ERRFI1: variants seen among roughly 807,000 people sequenced by gnomAD.
The protein encoded by ERRFI1 is ERBB receptor feedback inhibitor 1.
ERRFI1 carries 12 observed loss-of-function variants against 14.6 expected under a neutral mutation model. The observed-to-expected ratio is 0.82, with a 90% confidence interval of 0.53 to 1.33. ERRFI1 has a LOEUF of 1.33. Among genes scored for constraint, ERRFI1 ranks in the 40% most tolerant of loss-of-function variants. The probability of loss-of-function intolerance (pLI) is 0.00; values close to 1 mark genes in which losing one functional copy is unlikely to be tolerated. For missense variants in ERRFI1, 482 were observed against 572.1 expected, an observed-to-expected ratio of 0.84 and a Z score of 1.61; for synonymous variants, 202 against 209.9, an observed-to-expected ratio of 0.96 and a Z score of 0.32.
At chr1:8,024,210 TC>T (rs1641313405) in intron 1 of ERRFI1, among the ~76,000 whole-genome samples, 1 of 152,162 alleles carries the variant, frequency 6.6e-6, no homozygotes, top group African/African-American at 2.4e-5. Context: ...ATTATCTAGC[TC>T]AACTTTTGAG....
At chr1:8,020,552 A>ATT (rs36053481) in intron 1 of ERRFI1, among the ~76,000 whole-genome samples, 1,747 of 134,150 alleles carry the variant, frequency 0.013, 42 homozygotes, top group African/African-American at 0.034. Context: ...AAAAACACCA[A>ATT]TTTTTTTTTT....
chr1:8,025,625 G>C (rs535101343), intron 1 of ERRFI1, among the ~76,000 whole-genome samples: 6 of 152,076 alleles, frequency 3.9e-5, no homozygotes. Context: ...ACGGGTACAC[G>C]GTGTGAACAA....
chr1:8,021,783 C>A (rs1641277146), intron 1 of ERRFI1, among the ~76,000 whole-genome samples: 1 of 152,172 alleles, frequency 6.6e-6, no homozygotes, highest in Non-Finnish European at 1.5e-5. Flanking sequence ...CTCTCACTTA[C>A]TTGAGGCACA....
chr1:8,021,766 ATTATTACTCTCAC>A (rs1275525973), intron 1 of ERRFI1, among the ~76,000 whole-genome samples: 6 of 152,192 alleles, frequency 3.9e-5, no homozygotes, highest in Non-Finnish European at 4.4e-5. Flanking sequence ...GTGGGCTACT[ATTATTACTCTCAC>A]TTACTTGAGG....
chr1:8,013,295 G>C lies in ERRFI1; in HGVS notation c.1304C>G (p.Ala435Gly). Reference sequence around the variant, plus strand: ...TGTTTTTGAGTCTGGCTTTTCTGTGGCTGAAGATATACCGCAGTCAGCAGG... The same window carrying C: ...TGTTTTTGAGTCTGGCTTTTCTGTGCCTGAAGATATACCGCAGTCAGCAGG... ...PLPADCGISS[A>G]TEKPDSKTKM... is the part of the protein sequence containing the mutation. Residue 435 changes from alanine to glycine, a missense_variant, in exon 4 of 4, where the codon GCC becomes GGC. Ala to Gly is a moderately conservative substitution (Grantham distance 60). Coordinates refer to ENST00000377482, the MANE Select transcript of ERRFI1 (RefSeq NM_018948.4). The surrounding 1 kb of genome is among the most constrained non-coding windows in gnomAD (Gnocchi z 4.3). The C allele has an allele frequency of 3.7e-6, 6 of 1,614,214 alleles. No individual in the cohort carries two copies. Among genetic ancestry groups the C allele is most frequent in the Non-Finnish European group, 5.1e-6 (6 of 1,180,052 alleles).
chr1:8,025,824 T>C (rs1641338830), intron 1 of ERRFI1, among the ~76,000 whole-genome samples: 1 of 151,962 alleles, frequency 6.6e-6, no homozygotes, highest in African/African-American at 2.4e-5. Flanking sequence ...GGCGCTCGGG[T>C]GCATGGCCCC....
At chr1:8,019,870 T>C (rs1641251277) in intron 1 of ERRFI1, among the ~76,000 whole-genome samples, 1 of 152,202 alleles carries the variant, frequency 6.6e-6, no homozygotes. Flanking sequence ...ACAGTATATT[T>C]ACTTGAAGCA....
chr1:8,025,713 G>A (rs1641336436), intron 1 of ERRFI1, among the ~76,000 whole-genome samples: 1 of 152,122 alleles, frequency 6.6e-6, no homozygotes, highest in Non-Finnish European at 1.5e-5. Context: ...TCCCCGCCGG[G>A]CAACCCCGCG....
chr1:8,011,971 T>G lies in ERRFI1; in HGVS notation c.*1239A>C. ...AACTGTTAAGAGAACATTGCAGTAA[T>G]GTACCTCTGTTAGTGAGCACCTTCT... On this transcript the variant is annotated 3_prime_UTR_variant, in exon 4 of 4. Coordinates refer to ENST00000377482, the MANE Select transcript of ERRFI1 (RefSeq NM_018948.4). The G allele has an allele frequency of 4.4e-6, 1 of 228,808 alleles. No homozygotes were observed. The highest frequency in any genetic ancestry group is 6.3e-5 in the East Asian group (1 of 15,974). The allele number at this position is 228,808 out of a possible 1,614,324, so 14.2% of individuals were successfully genotyped here. A position where few individuals can be genotyped will look rare whatever the true frequency, so the allele number is the denominator to read the frequency against.
intron 1 of ERRFI1, among the ~76,000 whole-genome samples, chr1:8,025,835 G>C (rs992397033): frequency 2.6e-5 from 4 of 152,098 alleles, no homozygotes; most frequent in Non-Finnish European, 5.9e-5. Context: ...GCATGGCCCC[G>C]GCCAGCCGAG....
intron 1 of ERRFI1, among the ~76,000 whole-genome samples, chr1:8,017,064 G>A (rs1641185473): frequency 6.6e-6 from 1 of 151,950 alleles, no homozygotes; most frequent in African/African-American, 2.4e-5. Flanking sequence ...AATGTTTGCT[G>A]AATGAATGAT....
chr1:8,018,720 G>T (rs12240180), intron 1 of ERRFI1, among the ~76,000 whole-genome samples: 1 of 152,144 alleles, frequency 6.6e-6, no homozygotes, highest in Non-Finnish European at 1.5e-5. Flanking sequence ...CCAAATTTCA[G>T]ATGTGAACCA....
chr1:8,017,698 G>A (rs1005418952), intron 1 of ERRFI1, among the ~76,000 whole-genome samples: 2 of 152,178 alleles, frequency 1.3e-5, no homozygotes, highest in African/African-American at 4.8e-5. Flanking sequence ...TAGTTTGAAA[G>A]CACACGTTTG....
chr1:8,020,306 GAT>G (rs986386933), intron 1 of ERRFI1, among the ~76,000 whole-genome samples: 9 of 152,184 alleles, frequency 5.9e-5, no homozygotes, highest in Middle Eastern at 3.4e-3. Flanking sequence ...TATTCAGGGT[GAT>G]AAATGGTCTT....
intron 1 of ERRFI1, among the ~76,000 whole-genome samples, chr1:8,022,047 GT>G (rs1486558751): frequency 6.6e-5 from 10 of 152,118 alleles, no homozygotes; most frequent in Non-Finnish European, 1.5e-4. Context: ...GAAAGTTCCT[GT>G]TTCACTTCAA....
Position 8,013,325 on chromosome 1 carries a change from G to A in ERRFI1, c.1274C>T (p.Pro425Leu), listed in dbSNP as rs1641114668. 3 of 1,614,098 alleles carry A rather than the reference G, an allele frequency of 1.9e-6. No individual in the cohort carries two copies. Among genetic ancestry groups the A allele is most frequent in the African/African-American group, 1.3e-5 (1 of 74,940 alleles). The change falls in exon 4 of 4, where the codon CCA becomes CTA. Residue 425 changes from proline (P) to leucine (L), a missense_variant. Pro to Leu is a moderately conservative substitution (Grantham distance 98). Coordinates refer to ENST00000377482, the MANE Select transcript of ERRFI1 (RefSeq NM_018948.4). This position sits in a 1 kb window ranked among gnomAD's most constrained non-coding sequence, Gnocchi z 4.3. ...EETNGGAQIQ[P>L]LPADCGISSA... ...AGATATACCGCAGTCAGCAGGTAAT[G>A]GCTGGATTTGGGCGCCTCCATTTGT...
Position 8,011,829 on chromosome 1 carries a change from G to A in ERRFI1, c.*1381C>T, listed in dbSNP as rs1322912075. The A allele has an allele frequency of 4.6e-6, 1 of 216,106 alleles. No individual in the cohort carries two copies. Among genetic ancestry groups the A allele is most frequent in the Non-Finnish European group, 9.3e-6 (1 of 106,990 alleles). 13.4% of individuals were successfully genotyped at this position (216,106 alleles called of 1,614,324 possible). A position where few individuals can be genotyped will look rare whatever the true frequency, so the allele number is the denominator to read the frequency against. On this transcript the variant is annotated 3_prime_UTR_variant, in exon 4 of 4. Transcript: ENST00000377482. ...TGTCCAATACTGTACACATAATGCA[G>A]AAATCAGTGCATTTTTCTTAAGCAT...
Position 8,013,495 on chromosome 1 carries a change from G to A in ERRFI1, c.1104C>T (p.Asn368=), listed in dbSNP as rs181018159. Residue 368 remains asparagine, a synonymous_variant, in exon 4 of 4, where the codon AAC becomes AAT. Coordinates refer to ENST00000377482, the MANE Select transcript of ERRFI1 (RefSeq NM_018948.4). This position sits in a 1 kb window ranked among gnomAD's most constrained non-coding sequence, Gnocchi z 4.3. ...GAACCTTACTGGCAGATCCTTCGCT[G>A]TTCTGTCTTTGCAGTGCTTTGCTGC... The part of the protein sequence containing the change: ...YVSSKALQRQ[N]SEGSASKVPC... 4 of 1,614,194 alleles carry A rather than the reference G, an allele frequency of 2.5e-6. No homozygotes were observed. In the African/African-American group the frequency reaches 4.0e-5, roughly 16 times the overall value.
rs946102441 is a variant in ERRFI1, at chr1:8,014,794, A to C, written c.203-398T>G. On this transcript the variant is annotated intron_variant, in intron 3 of 3. Transcript: ENST00000377482. ...ACGTAGGGTACCAATGAGATAAGAC[A>C]AAGTCCTTATTGCTGGCACATCATA... 8 of 214,984 alleles carry C rather than the reference A, an allele frequency of 3.7e-5. 1 individual carries two copies. In the South Asian group the frequency reaches 8.3e-4, roughly 22 times the overall value. 13.3% of individuals were successfully genotyped at this position (214,984 alleles called of 1,614,324 possible). A position where few individuals can be genotyped will look rare whatever the true frequency, so the allele number is the denominator to read the frequency against.
Sources: gnomAD v4.1 joint callset for allele counts (sites outside exome capture counted in the v4.1 genomes callset) on GRCh38, gnomAD v4.1.1 for gene constraint, Gnocchi (gnomAD v3.1) non-coding constraint, MANE v1.5 for transcripts, NCBI Gene and HGNC (gene_info 2026-07-23, HGNC 2026-07-21) for gene names.